Variants in ASIC2 observed in about 807,000 individuals in gnomAD.
ASIC2 encodes the protein acid-sensing ion channel 2.
Under a neutral mutation model 57.3 loss-of-function variants are expected in ASIC2, and 25 were observed. The observed-to-expected ratio is 0.44, with a 90% CI of 0.32 to 0.61. The LOEUF is 0.61. Among genes scored for constraint, ASIC2 ranks in the 20% least tolerant of loss-of-function variants. ASIC2 has a pLI of 0.06. For missense variants in ASIC2, 641 were observed against 738.1 expected (o/e 0.87, Z 1.52); for synonymous variants, 319 against 307.5 (o/e 1.04, Z -0.39).
intron 1 of ASIC2, among the ~76,000 whole-genome samples, chr17:33,808,100 G>A (rs1236412956): frequency 6.6e-6 from 1 of 152,168 alleles, no homozygotes; most frequent in Non-Finnish European, 1.5e-5. Context: ...CATATAAAAA[G>A]TCATTGCCAA....
chr17:33,174,162 C>A (rs945740406), intron 1 of ASIC2, among the ~76,000 whole-genome samples: 10 of 152,154 alleles, frequency 6.6e-5, no homozygotes, highest in African/African-American at 2.4e-4. Context: ...TGGTTCACGC[C>A]TGTAATCCCA....
chr17:33,586,077 C>G (rs1904620325), intron 1 of ASIC2, among the ~76,000 whole-genome samples: 1 of 152,164 alleles, frequency 6.6e-6, no homozygotes, highest in Non-Finnish European at 1.5e-5. Context: ...CCAGTGCTTC[C>G]TAGACTCAGG....
intron 1 of ASIC2, among the ~76,000 whole-genome samples, chr17:34,136,597 C>T (rs942321669): frequency 1.3e-5 from 2 of 152,196 alleles, no homozygotes; most frequent in African/African-American, 4.8e-5. Flanking sequence ...GCCCCCTTCC[C>T]TTTGAGATGT....
At chr17:33,171,116 G>A (rs1905504654) in intron 1 of ASIC2, among the ~76,000 whole-genome samples, 2 of 152,188 alleles carry the variant, frequency 1.3e-5, no homozygotes, top group Admixed American at 6.5e-5. Context: ...TCACCTCTGT[G>A]AGTTGGAGGG....
At chr17:33,318,214 C>T (rs1906733800) in intron 1 of ASIC2, among the ~76,000 whole-genome samples, 1 of 152,148 alleles carries the variant, frequency 6.6e-6, no homozygotes, top group African/African-American at 2.4e-5. Flanking sequence ...CTTCCCATTT[C>T]CAGACATGCT....
chr17:33,747,383 C>T (rs149895104), intron 1 of ASIC2, among the ~76,000 whole-genome samples: 1 of 152,104 alleles, frequency 6.6e-6, no homozygotes, highest in African/African-American at 2.4e-5. Context: ...ACCACCACGC[C>T]CAGCTAATTT....
chr17:33,242,944 C>A (rs1270193652), intron 1 of ASIC2, among the ~76,000 whole-genome samples: 2 of 152,338 alleles, frequency 1.3e-5, no homozygotes, highest in African/African-American at 4.8e-5. Context: ...CTCCTGCACA[C>A]CAGCCCAGCT....
chr17:33,042,522 A>G (rs576054429), intron 3 of ASIC2, among the ~76,000 whole-genome samples: 1 of 152,370 alleles, frequency 6.6e-6, no homozygotes, highest in East Asian at 1.9e-4. Flanking sequence ...ACTATGTGCC[A>G]GGCACTGTTC....
At chr17:33,021,162 T>TACCCCC in intron 7 of ASIC2, 57 bp downstream of exon 7, 9 of 694,002 alleles carry the variant, frequency 1.3e-5, no homozygotes, top group East Asian at 2.8e-5. Context: ...CTGTGCATCC[T>TACCCCC]CCCTCCCTCC....
At chr17:33,497,039 C>T (rs945381160) in intron 1 of ASIC2, among the ~76,000 whole-genome samples, 1 of 152,182 alleles carries the variant, frequency 6.6e-6, no homozygotes, top group Non-Finnish European at 1.5e-5. Context: ...ACAGTGGATG[C>T]TCAGTGAACA....
intron 1 of ASIC2, among the ~76,000 whole-genome samples, chr17:34,152,917 T>TA (rs1904580612): frequency 1.4e-5 from 2 of 147,974 alleles, no homozygotes; most frequent in African/African-American, 4.9e-5. Flanking sequence ...TCTTCTGCTT[T>TA]TCCAGGAGGG....
rs116136380 is a variant in ASIC2 at position 33,652,178 on chromosome 17, G to T, written c.555+503800C>A. On this transcript the variant is annotated intron_variant, in intron 1 of 9. Transcript: ENST00000359872. ...TTGGACAATAGGATCAGGACCTAGG[G>T]ATGTGAAGAGCAACAGAGGCTGCTC... 3.7e-3 allele frequency among the ~76,000 whole-genome samples: 560 copies of T among 152,308 alleles called. 6 individuals are homozygous for T. The highest frequency in any genetic ancestry group is 0.013 in the African/African-American group (526 of 41,572).
At chr17:34,113,831 G>T (rs182864407) in intron 1 of ASIC2, among the ~76,000 whole-genome samples, 1 of 152,066 alleles carries the variant, frequency 6.6e-6, no homozygotes, top group East Asian at 1.9e-4. Context: ...GCTATGATTG[G>T]GCCACTGCCC....
chr17:33,391,413 T>C (rs1567845817), intron 1 of ASIC2, among the ~76,000 whole-genome samples: 1 of 152,252 alleles, frequency 6.6e-6, no homozygotes, highest in South Asian at 2.1e-4. Flanking sequence ...AGTTACTTTT[T>C]GAGTTCTCAC....
At chr17:33,122,535 T>G (rs955388637) in intron 1 of ASIC2, among the ~76,000 whole-genome samples, 2 of 152,174 alleles carry the variant, frequency 1.3e-5, no homozygotes, top group African/African-American at 4.8e-5. Flanking sequence ...TTGGTTTTGT[T>G]TTTTAATTGA....
At chr17:33,032,920 C>CTT (rs75346575) in intron 3 of ASIC2, among the ~76,000 whole-genome samples, 10 of 148,142 alleles carry the variant, frequency 6.8e-5, no homozygotes, top group African/African-American at 2.5e-4. Flanking sequence ...TCTCTTTTAA[C>CTT]TTTTTTTTTT....
intron 3 of ASIC2, among the ~76,000 whole-genome samples, chr17:33,060,769 G>A (rs926430981): frequency 2.1e-4 from 32 of 152,224 alleles, no homozygotes; most frequent in African/African-American, 7.0e-4. Context: ...CCATTTTCAC[G>A]ATATTGATTC....
chr17:33,844,744 A>G (rs960331499), intron 1 of ASIC2, among the ~76,000 whole-genome samples: 4 of 152,256 alleles, frequency 2.6e-5, no homozygotes, highest in Admixed American at 2.6e-4. Flanking sequence ...ATAAACTGTC[A>G]ACCTGTTATT....
At chr17:33,267,819 G>A (rs1909525222) in intron 1 of ASIC2, among the ~76,000 whole-genome samples, 1 of 152,092 alleles carries the variant, frequency 6.6e-6, no homozygotes, top group Non-Finnish European at 1.5e-5. Flanking sequence ...TGAGGGAGGT[G>A]GCAAGGGGCA....
Sources: allele counts gnomAD v4.1 joint callset (sites outside exome capture counted in the v4.1 genomes callset), GRCh38; gene constraint gnomAD v4.1.1; transcripts MANE v1.5; gene names NCBI Gene and HGNC (gene_info 2026-07-23, HGNC 2026-07-21).